COP1: variants seen among roughly 807,000 people sequenced by gnomAD.
COP1 encodes the protein E3 ubiquitin-protein ligase COP1.
In COP1, 24 loss-of-function variants were observed where a neutral mutation model predicts 101.3. The observed-to-expected ratio is 0.24, with a 90% CI of 0.17 to 0.33. The LOEUF is 0.33. Among genes scored for constraint, COP1 ranks in the 10% least tolerant of loss-of-function variants. The pLI, the probability that COP1 is intolerant of heterozygous loss-of-function variation, is 1.00. For synonymous variants in COP1, 347 were observed against 341.9 expected, an observed-to-expected ratio of 1.01 and a Z score of -0.17; for missense variants, 663 against 906.2, an observed-to-expected ratio of 0.73 and a Z score of 3.45.
At chr1:176,189,032 A>AC (rs1011987459) in intron 1 of COP1, among the ~76,000 whole-genome samples, 1 of 152,148 alleles carries the variant, frequency 6.6e-6, no homozygotes, top group African/African-American at 2.4e-5. Flanking sequence ...AAACTCAGAA[A>AC]CCCCTAAATA....
chr1:176,132,609 T>C (rs974634651), intron 8 of COP1, among the ~76,000 whole-genome samples: 1 of 113,962 alleles, frequency 8.8e-6, no homozygotes, highest in Non-Finnish European at 1.8e-5. Flanking sequence ...TATGTACGTA[T>C]ATATACTATA....
At chr1:176,009,945 C>T (rs956057353) in intron 15 of COP1, among the ~76,000 whole-genome samples, 1 of 149,272 alleles carries the variant, frequency 6.7e-6, no homozygotes, top group Non-Finnish European at 1.5e-5. Context: ...ATTTCTGAAG[C>T]ATTGCCATAA....
chr1:175,982,147 T>C (rs1459026283), intron 18 of COP1, among the ~76,000 whole-genome samples: 3 of 152,178 alleles, frequency 2.0e-5, no homozygotes, highest in African/African-American at 7.2e-5. Flanking sequence ...AATGGCAATA[T>C]GACCTAGCAA....
chr1:176,185,892 C>T (rs191568785), intron 1 of COP1, among the ~76,000 whole-genome samples: 2 of 152,278 alleles, frequency 1.3e-5, no homozygotes, highest in Admixed American at 1.3e-4. Context: ...AAAACTGTAA[C>T]TGAAAATACA....
At chr1:176,141,143 A>G (rs1472509339) in intron 6 of COP1, among the ~76,000 whole-genome samples, 1 of 152,240 alleles carries the variant, frequency 6.6e-6, no homozygotes, top group Non-Finnish European at 1.5e-5. Context: ...TACATTACAT[A>G]TAATTGTTCC....
chr1:176,167,710 G>A, intron 3 of COP1, among the ~76,000 whole-genome samples: 1 of 152,112 alleles, frequency 6.6e-6, no homozygotes, highest in East Asian at 1.9e-4. Flanking sequence ...CTTTTTAGAG[G>A]CAGAACAGTA....
chr1:176,108,975 G>A (rs779488835), intron 9 of COP1, among the ~76,000 whole-genome samples: 7 of 151,970 alleles, frequency 4.6e-5, no homozygotes, highest in South Asian at 2.1e-4. Context: ...AGCTGGGCGC[G>A]GTGGTGCGCA....
intron 11 of COP1, among the ~76,000 whole-genome samples, chr1:176,071,381 C>T (rs1285408251): frequency 6.6e-6 from 1 of 152,118 alleles, no homozygotes. Context: ...AACCTCTTCT[C>T]TTTATAAATT....
chr1:176,096,934 G>A (rs550323204), intron 9 of COP1, among the ~76,000 whole-genome samples: 84 of 152,232 alleles, frequency 5.5e-4, no homozygotes, highest in Non-Finnish European at 1.1e-3. Flanking sequence ...TTTGTGGCCC[G>A]GGGTTCGATC....
chr1:175,994,383 C>G (rs946283053), intron 15 of COP1, among the ~76,000 whole-genome samples: 1 of 152,146 alleles, frequency 6.6e-6, no homozygotes, highest in African/African-American at 2.4e-5. Flanking sequence ...GGATCAAATT[C>G]ACACATAACA....
At chr1:176,047,906 G>A (rs1479273059) in intron 11 of COP1, among the ~76,000 whole-genome samples, 2 of 151,804 alleles carry the variant, frequency 1.3e-5, no homozygotes, top group South Asian at 2.1e-4. Context: ...AGACCCGATC[G>A]CTACAAAAAA....
chr1:176,006,103 T>C (rs564528101), intron 15 of COP1, among the ~76,000 whole-genome samples: 217 of 152,338 alleles, frequency 1.4e-3, no homozygotes, highest in African/African-American at 4.7e-3. Flanking sequence ...CATTATGTAA[T>C]GGCCTTCTTT....
At chr1:175,988,183 G>A in intron 17 of COP1, 105 bp downstream of exon 17, 4 of 1,084,620 alleles carry the variant, frequency 3.7e-6, no homozygotes, top group Middle Eastern at 3.2e-4. Flanking sequence ...TATCTTCTGA[G>A]TGCACAGACC....
intron 5 of COP1, among the ~76,000 whole-genome samples, chr1:176,155,245 C>A (rs1225072268): frequency 6.6e-6 from 1 of 151,984 alleles, no homozygotes; most frequent in Non-Finnish European, 1.5e-5. Flanking sequence ...ACTCAAGCAG[C>A]GATGAAGCCC....
At chr1:176,124,759 C>T (rs532937130) in intron 8 of COP1, among the ~76,000 whole-genome samples, 2 of 152,166 alleles carry the variant, frequency 1.3e-5, no homozygotes, top group Admixed American at 6.6e-5. Flanking sequence ...TTCATGTATA[C>T]GTTTCCTTTC....
At chr1:176,114,805 T>C (rs1216135246) in intron 9 of COP1, among the ~76,000 whole-genome samples, 3 of 152,072 alleles carry the variant, frequency 2.0e-5, no homozygotes, top group Non-Finnish European at 4.4e-5. Flanking sequence ...CCAGGCTATA[T>C]TAGGGTAATT....
chr1:176,092,845 C>G (rs1210786333), intron 9 of COP1, among the ~76,000 whole-genome samples: 1 of 152,128 alleles, frequency 6.6e-6, no homozygotes, highest in Non-Finnish European at 1.5e-5. Context: ...AATTCCTCTC[C>G]TAGGTACATA....
intron 1 of COP1, among the ~76,000 whole-genome samples, chr1:176,188,643 A>T (rs1304322861): frequency 6.6e-6 from 1 of 152,100 alleles, no homozygotes; most frequent in African/African-American, 2.4e-5. Flanking sequence ...CATTATTATT[A>T]TACCTGTATA....
At chr1:175,982,432 C>T (rs1286476707) in intron 18 of COP1, 1 of 456,190 alleles carries the variant, frequency 2.2e-6, no homozygotes, top group African/African-American at 2.0e-5. Context: ...TCTTTCTCCT[C>T]CTTCTCAGCC....
Sources: gnomAD v4.1 joint callset for allele counts (sites outside exome capture counted in the v4.1 genomes callset) on GRCh38, gnomAD v4.1.1 for gene constraint, MANE v1.5 for transcripts, NCBI Gene and HGNC (gene_info 2026-07-23, HGNC 2026-07-21) for gene names.